ASTN2: variants seen among roughly 807,000 people sequenced by gnomAD.
ASTN2 encodes the protein astrotactin-2.
In ASTN2, 54 loss-of-function variants were observed where a neutral mutation model predicts 139.8. That is an observed-to-expected ratio of 0.39 (90% confidence interval 0.31 to 0.48). ASTN2 has a LOEUF of 0.48. Ranked by LOEUF, ASTN2 falls within the 20% of genes least tolerant of loss-of-function variation. The pLI is 0.95. For synonymous variants in ASTN2, 756 were observed against 719.5 expected, an observed-to-expected ratio of 1.05 and a Z score of -0.81; for missense variants, 1,565 against 1,725.1, an observed-to-expected ratio of 0.91 and a Z score of 1.64.
intron 6 of ASTN2, among the ~76,000 whole-genome samples, chr9:117,027,560 C>G (rs150635647): frequency 3.9e-5 from 6 of 152,158 alleles, no homozygotes; most frequent in Admixed American, 6.5e-5. Flanking sequence ...TCTCTCCCCC[C>G]ACCTCCAACA....
chr9:116,931,830 G>A (rs899016174), intron 10 of ASTN2, among the ~76,000 whole-genome samples: 3 of 152,152 alleles, frequency 2.0e-5, no homozygotes, highest in East Asian at 3.9e-4. Context: ...GTAATTTCAG[G>A]AAAATATTAA....
intron 11 of ASTN2, among the ~76,000 whole-genome samples, chr9:116,832,778 T>C (rs1163393109): frequency 2.0e-5 from 3 of 152,080 alleles, no homozygotes; most frequent in Non-Finnish European, 4.4e-5. Context: ...TAAGGATTTT[T>C]ACAACTGTGG....
chr9:116,481,338 C>T (rs746971859), intron 20 of ASTN2, among the ~76,000 whole-genome samples: 11 of 152,248 alleles, frequency 7.2e-5, no homozygotes, highest in Non-Finnish European at 1.5e-4. Context: ...TGTGATTGCA[C>T]CACTGCCCTC....
In ASTN2 at chr9:116,976,118, G is replaced by A; in HGVS notation, c.1747C>T (p.Leu583Phe). ...VTGEQAPEKI[L>F]RSTFSLGQGL... ...CCAACAAGAAAGCCAACTCACCTGAGAATCTTTTCAGGGGCTTGCTCCCCT... is the reference window on the plus strand; with the variant it reads ...CCAACAAGAAAGCCAACTCACCTGAAAATCTTTTCAGGGGCTTGCTCCCCT... Residue 583 changes from leucine to phenylalanine, a missense_variant, in exon 9 of 23, where the codon CTC becomes TTC. By Grantham distance (22) the Leu-to-Phe change is conservative (BLOSUM62 0). This residue lies in a region of ASTN2 where 503 missense variants were observed against 591.7 expected (regional missense o/e 0.85). Transcript: ENST00000313400. The A allele has an allele frequency of 6.2e-7, 1 of 1,614,100 alleles. No homozygotes were observed. The highest frequency in any genetic ancestry group is 8.5e-7 in the Non-Finnish European group (1 of 1,179,972).
At chr9:116,629,798 C>T (rs920876006) in intron 17 of ASTN2, among the ~76,000 whole-genome samples, 1 of 152,072 alleles carries the variant, frequency 6.6e-6, no homozygotes, top group African/African-American at 2.4e-5. Flanking sequence ...CATTTAGAAC[C>T]AGCCAAACCC....
chr9:117,006,890 G>A (rs148612187), intron 7 of ASTN2, among the ~76,000 whole-genome samples: 5,408 of 152,198 alleles, frequency 0.036, 279 homozygotes, highest in African/African-American at 0.11. Context: ...GCCGAGGTGG[G>A]CGGATCATGA....
chr9:117,377,476 T>C lies in ASTN2; in HGVS notation c.442+37021A>G, dbSNP rs572587020. On this transcript the variant is annotated intron_variant, in intron 1 of 22. Coordinates refer to ENST00000313400, the MANE Select transcript of ASTN2 (RefSeq NM_001365068.1). ...GCATCCTGAACCCATAAACGTCCCA[T>C]GCATTTGTTGCCATATCTAAAATTA... Among the ~76,000 whole-genome samples, 11 of 152,316 alleles carry C rather than the reference T, an allele frequency of 7.2e-5. No homozygotes were observed. In the South Asian group the frequency reaches 2.1e-3, roughly 29 times the overall value.
chr9:116,862,395 C>T (rs547839464), intron 11 of ASTN2, among the ~76,000 whole-genome samples: 35 of 152,232 alleles, frequency 2.3e-4, no homozygotes, highest in African/African-American at 8.2e-4. Flanking sequence ...AACTGAAAAA[C>T]CAGTCTGTGC....
chr9:116,725,247 A>G (rs545026075), intron 16 of ASTN2, among the ~76,000 whole-genome samples: 2 of 152,264 alleles, frequency 1.3e-5, no homozygotes, highest in East Asian at 3.9e-4. Context: ...AGTCAGAGGA[A>G]AATGAAATCT....
At chr9:116,879,449 G>A (rs541869233) in intron 10 of ASTN2, among the ~76,000 whole-genome samples, 3 of 152,192 alleles carry the variant, frequency 2.0e-5, no homozygotes, top group African/African-American at 7.2e-5. Context: ...AAGCAGCTCT[G>A]GGCTCAAACT....
chr9:116,516,813 G>A (rs527430051), intron 19 of ASTN2, among the ~76,000 whole-genome samples: 2 of 152,340 alleles, frequency 1.3e-5, no homozygotes, highest in Admixed American at 6.5e-5. Context: ...ACTGTGGGCT[G>A]CATGGGAGCA....
At chr9:117,299,774 C>G (rs1834831025) in intron 1 of ASTN2, among the ~76,000 whole-genome samples, 1 of 152,156 alleles carries the variant, frequency 6.6e-6, no homozygotes, top group African/African-American at 2.4e-5. Context: ...ATTAAGATGA[C>G]AAGGTGGATG....
chr9:117,032,822 TTGA>T (rs1838284971), intron 6 of ASTN2, among the ~76,000 whole-genome samples: 1 of 152,154 alleles, frequency 6.6e-6, no homozygotes, highest in Admixed American at 6.6e-5. Flanking sequence ...GCATTTATAC[TTGA>T]TGATTTCATG....
intron 10 of ASTN2, among the ~76,000 whole-genome samples, chr9:116,873,225 CT>C (rs1833210815): frequency 6.6e-6 from 1 of 152,144 alleles, no homozygotes; most frequent in African/African-American, 2.4e-5. Context: ...GTTTTGAGAC[CT>C]GTTAAGGATA....
At chr9:116,485,732 A>C (rs1849316956) in intron 20 of ASTN2, among the ~76,000 whole-genome samples, 2 of 152,214 alleles carry the variant, frequency 1.3e-5, no homozygotes, top group South Asian at 4.1e-4. Flanking sequence ...TAGAGCATTC[A>C]CTGCCCCCCA....
intron 10 of ASTN2, among the ~76,000 whole-genome samples, chr9:116,913,680 C>A (rs1250754550): frequency 2.6e-5 from 4 of 152,162 alleles, no homozygotes. Flanking sequence ...ATTTCATTCT[C>A]TACTGCCAGA....
At chr9:117,365,374 T>G (rs1427100168) in intron 1 of ASTN2, among the ~76,000 whole-genome samples, 1 of 151,506 alleles carries the variant, frequency 6.6e-6, no homozygotes, top group East Asian at 1.9e-4. Flanking sequence ...AAGAAAGAAT[T>G]AGAGTATGCT....
At chr9:116,765,054 T>C (rs1159776173) in intron 13 of ASTN2, among the ~76,000 whole-genome samples, 1 of 152,198 alleles carries the variant, frequency 6.6e-6, no homozygotes, top group Non-Finnish European at 1.5e-5. Context: ...TGTGAAATGC[T>C]GATACCTCTA....
intron 16 of ASTN2, among the ~76,000 whole-genome samples, chr9:116,710,128 A>C (rs1185392510): frequency 6.6e-6 from 1 of 152,132 alleles, no homozygotes; most frequent in African/African-American, 2.4e-5. Context: ...AGCTCAATCC[A>C]TGCAAGCCCC....
Sources: allele counts gnomAD v4.1 joint callset (sites outside exome capture counted in the v4.1 genomes callset), GRCh38; gene constraint gnomAD v4.1.1; regional missense constraint gnomAD v4.1.1; transcripts MANE v1.5; gene names NCBI Gene and HGNC (gene_info 2026-07-23, HGNC 2026-07-21).